The following OS9 variants were observed in gnomAD, a reference collection of about 807,000 sequenced individuals.
OS9 encodes OS9 endoplasmic reticulum lectin.
In OS9, 58 loss-of-function variants were observed where a neutral mutation model predicts 84.7. That is an observed-to-expected ratio of 0.68 (90% CI 0.55 to 0.85). The LOEUF (loss-of-function observed/expected upper bound fraction) is 0.85, where lower values mean the gene tolerates loss of function less well. Among genes scored for constraint, OS9 ranks in the 40% least tolerant of loss-of-function variants. OS9 has a pLI of 0.00. For missense variants in OS9, 760 were observed against 850.9 expected (o/e 0.89, Z 1.33); for synonymous variants, 278 against 320.8 (o/e 0.87, Z 1.43).
intron 5 of OS9, among the ~76,000 whole-genome samples, chr12:57,710,794 C>A (rs1022719599): frequency 3.3e-5 from 5 of 152,052 alleles, no homozygotes; most frequent in African/African-American, 9.7e-5. Context: ...AATCCCAGCA[C>A]TTTGGGAGGC....
chr12:57,714,983 T>C (rs971814261), intron 5 of OS9, among the ~76,000 whole-genome samples: 1 of 150,836 alleles, frequency 6.6e-6, no homozygotes, highest in Non-Finnish European at 1.5e-5. Flanking sequence ...TTCTGAATGA[T>C]ATAAGAATCT....
At chr12:57,713,674 C>T (rs1473526100) in intron 5 of OS9, among the ~76,000 whole-genome samples, 1 of 151,550 alleles carries the variant, frequency 6.6e-6, no homozygotes, top group Non-Finnish European at 1.5e-5. Context: ...TAGGAAGTCC[C>T]TCCCCCTCCA....
At chr12:57,708,777 T>C (rs993254488) in intron 5 of OS9, among the ~76,000 whole-genome samples, 1 of 152,202 alleles carries the variant, frequency 6.6e-6, no homozygotes, top group Non-Finnish European at 1.5e-5. Flanking sequence ...CACTGAATAA[T>C]CTTGTACTTA....
chr12:57,708,319 C>G (rs1954232402), intron 5 of OS9, among the ~76,000 whole-genome samples: 1 of 151,532 alleles, frequency 6.6e-6, no homozygotes, highest in Non-Finnish European at 1.5e-5. Flanking sequence ...TGCACTCTTT[C>G]CAAATCAATA....
At chr12:57,696,083 G>A in intron 4 of OS9, 45 bp downstream of exon 4, 1 of 1,448,482 alleles carries the variant, frequency 6.9e-7, no homozygotes, top group Non-Finnish European at 9.7e-7. Flanking sequence ...CTGGCCACCG[G>A]CTGAGAGCCC....
intron 5 of OS9, among the ~76,000 whole-genome samples, chr12:57,701,082 C>T (rs1463217304): frequency 7.0e-3 from 1 of 142 alleles, no homozygotes; most frequent in Non-Finnish European, 0.025. Flanking sequence ...CTCTCCCTCC[C>T]GCCAGAAACA....
At position 57,717,881 on chromosome 12, in the gene OS9, A is replaced by G. The variant is rs1398913109; in HGVS notation, c.1057A>G (p.Asn353Asp). 1.2e-6 allele frequency: 2 copies of G among 1,604,468 alleles called. No homozygotes were observed. The highest frequency in any genetic ancestry group is 1.7e-6 in the Non-Finnish European group (2 of 1,176,148). ...TTCTTTCATCTCAGATTTTCAGAAC[A>G]ACGTGCAGGTCAAAGTCATTCGAAG... Reference protein sequence around the residue: ...ASGAPNDFQNNVQVKVIRSPA... With the variant: ...ASGAPNDFQNDVQVKVIRSPA... Residue 353 changes from asparagine to aspartate, a missense_variant, in exon 10 of 15, where the codon AAC becomes GAC. Coordinates refer to ENST00000315970, the MANE Select transcript of OS9 (RefSeq NM_006812.4).
chr12:57,720,043 C>T, intron 12 of OS9, 56 bp from the exon 13 acceptor site: 5 of 1,555,548 alleles, frequency 3.2e-6, no homozygotes, highest in Non-Finnish European at 1.8e-6. Flanking sequence ...CCCCACACCC[C>T]TAACCCTGGA....
At chr12:57,716,847 G>A in intron 9 of OS9, 103 bp downstream of exon 9, 1 of 1,015,170 alleles carries the variant, frequency 9.9e-7, no homozygotes, top group South Asian at 1.3e-5. Context: ...GGGTAGCCAG[G>A]CCGGCAGAAA....
At chr12:57,704,505 C>T (rs1168937285) in intron 5 of OS9, among the ~76,000 whole-genome samples, 2 of 151,730 alleles carry the variant, frequency 1.3e-5, no homozygotes, top group Non-Finnish European at 2.9e-5. Context: ...CCACTGCTCT[C>T]CAACCTGGGT....
In OS9 at chr12:57,720,178, C is replaced by G. The variant is rs772562384; in HGVS notation, c.1680C>G (p.Leu560=). ...LGGPNQDLTV[L]EMKRENPQLK... is the part of the protein sequence containing the mutation. ...GCCCTAATCAGGATCTGACTGTCCT[C>G]GAGATGAAACGGGAAAACCCACAGC... The change falls in exon 13 of 15, where the codon CTC becomes CTG. Residue 560 remains leucine, a synonymous_variant. Coordinates refer to ENST00000315970, the MANE Select transcript of OS9 (RefSeq NM_006812.4). The G allele has an allele frequency of 4.3e-6, 7 of 1,614,070 alleles. No homozygotes were observed. Among genetic ancestry groups the G allele is most frequent in the Admixed American group, 1.7e-5 (1 of 60,010 alleles).
In OS9 at chr12:57,715,908, C is replaced by A. The variant is rs767693723; in HGVS notation, c.728C>A (p.Ala243Asp). The change falls in exon 6 of 15, where the codon GCC becomes GAC. Residue 243 changes from alanine to aspartate, a missense_variant. By Grantham distance (126) the Ala-to-Asp change is moderately radical. Coordinates refer to ENST00000315970, the MANE Select transcript of OS9 (RefSeq NM_006812.4). ...CCCCCACCCAGTGCTGCACCGCAGG[C>A]CATCCTCTGTCACCCTTCCCTACAG... Reference protein sequence around the residue: ...LRPPPSAAPQAILCHPSLQPE... With the variant: ...LRPPPSAAPQDILCHPSLQPE... 1 of 1,613,442 alleles carries A rather than the reference C, an allele frequency of 6.2e-7. No individual in the cohort carries two copies. Among genetic ancestry groups the A allele is most frequent in the Non-Finnish European group, 8.5e-7 (1 of 1,179,678 alleles).
intron 12 of OS9, 173 bp downstream of exon 12, chr12:57,719,355 G>A (rs974992112): frequency 2.5e-5 from 15 of 608,336 alleles, no homozygotes; most frequent in African/African-American, 9.3e-5. Flanking sequence ...ATCCCTTTGC[G>A]TGTTTACCTC....
Position 57,720,429 on chromosome 12 carries a change from C to T in OS9, c.1789C>T (p.Arg597Cys), listed in dbSNP as rs1189549418. The change falls in exon 14 of 15, where the codon CGC (arginine) becomes TGC (cysteine). Residue 597 changes from arginine to cysteine, a missense_variant. Arg to Cys is a radical substitution (Grantham distance 180). Transcript: ENST00000315970. Reference sequence around the variant, plus strand: ...AGGGAAAATTGAGATCAAAATTGTCCGCCCATGGGCTGAAGGGACTGAAGA... The same window carrying T: ...AGGGAAAATTGAGATCAAAATTGTCTGCCCATGGGCTGAAGGGACTGAAGA... ...AAGKIEIKIVRPWAEGTEEGA... is the reference protein window; with the variant it reads ...AAGKIEIKIVCPWAEGTEEGA... The T allele has an allele frequency of 3.7e-6, 6 of 1,613,716 alleles. No homozygotes were observed. The highest frequency in any genetic ancestry group is 2.2e-5 in the East Asian group (1 of 44,898).
In OS9 at chr12:57,720,214, C is replaced by G. The variant is rs371421947; in HGVS notation, c.1716C>G (p.Ile572Met). The G allele has an allele frequency of 6.2e-7, 1 of 1,614,030 alleles. No individual in the cohort carries two copies. ...MKRENPQLKQ[I>M]EGLVKELLER... ...GGGAAAACCCACAGCTGAAACAAATCGAGGGGCTGGTGAAGGAGCTGCTGG... is the reference window on the plus strand; with the variant it reads ...GGGAAAACCCACAGCTGAAACAAATGGAGGGGCTGGTGAAGGAGCTGCTGG... The change falls in exon 13 of 15, where the codon ATC (isoleucine) becomes ATG (methionine). Residue 572 changes from isoleucine (I) to methionine (M), a missense_variant. Ile to Met is a conservative substitution (Grantham distance 10). Coordinates refer to ENST00000315970, the MANE Select transcript of OS9 (RefSeq NM_006812.4).
chr12:57,694,603 C>A, intron 1 of OS9, 147 bp from the exon 2 acceptor site: 1 of 841,226 alleles, frequency 1.2e-6, no homozygotes, highest in Non-Finnish European at 1.9e-6. Flanking sequence ...GCCCTCTCCT[C>A]TCACCCACTA....
At chr12:57,718,109 C>T (rs201750515) in intron 10 of OS9, 37 bp from the exon 11 acceptor site, 2 of 1,599,308 alleles carry the variant, frequency 1.3e-6, no homozygotes, top group Non-Finnish European at 1.7e-6. Context: ...TCTGTTGAAA[C>T]CCCAACTGTC....
chr12:57,719,528 T>G (rs1595069409), intron 12 of OS9: 1 of 245,948 alleles, frequency 4.1e-6, no homozygotes, highest in African/African-American at 2.2e-5. Context: ...TTTAGGACTT[T>G]GCACCAAGAG....
chr12:57,708,693 A>AT (rs1479239177), intron 5 of OS9, among the ~76,000 whole-genome samples: 2 of 151,536 alleles, frequency 1.3e-5, no homozygotes, highest in East Asian at 1.9e-4. Flanking sequence ...TAGTTGTATC[A>AT]TTTTTTATCT....
Sources: allele counts gnomAD v4.1 joint callset (sites outside exome capture counted in the v4.1 genomes callset), GRCh38; gene constraint gnomAD v4.1.1; transcripts MANE v1.5; gene names NCBI Gene and HGNC (gene_info 2026-07-23, HGNC 2026-07-21).